The following KCNIP1 variants were observed in gnomAD, a reference collection of about 807,000 sequenced individuals.
KCNIP1 encodes the protein potassium voltage-gated channel interacting protein 1, also known as A-type potassium channel modulatory protein KCNIP1.
In KCNIP1, 18 loss-of-function variants were observed where a neutral mutation model predicts 33.0. The observed-to-expected ratio is 0.55, with a 90% CI of 0.38 to 0.81. The LOEUF is 0.81. Among genes scored for constraint, KCNIP1 ranks in the 30% least tolerant of loss-of-function variants. KCNIP1 has a pLI of 0.00. For missense variants in KCNIP1, 238 were observed against 271.6 expected, an observed-to-expected ratio of 0.88 and a Z score of 0.87; for synonymous variants, 93 against 98.3, an observed-to-expected ratio of 0.95 and a Z score of 0.32.
intron 1 of KCNIP1, among the ~76,000 whole-genome samples, chr5:170,628,128 C>T (rs1219636037): frequency 1.3e-5 from 2 of 152,154 alleles, no homozygotes; most frequent in African/African-American, 4.8e-5. Flanking sequence ...AAGAATGCAG[C>T]CAAAGAGGTC....
rs569717388 is a variant in KCNIP1 at position 170,600,544 on chromosome 5, T to C, written c.61+95911T>C. ...ACCCCATCCTCTGTGTGCCCACGCC[T>C]ACCTCCTCTCTACCTCACCCACCCT... On this transcript the variant is annotated intron_variant, in intron 1 of 7. Transcript: ENST00000328939. Among the ~76,000 whole-genome samples the C allele has an allele frequency of 9.8e-4, 149 of 152,244 alleles. 1 individual carries two copies. The highest frequency in any genetic ancestry group is 3.3e-3 in the African/African-American group (136 of 41,558).
chr5:170,500,384 G>T (rs1757387525), upstream of KCNIP1, among the ~76,000 whole-genome samples: 1 of 152,300 alleles, frequency 6.6e-6, no homozygotes, highest in African/African-American at 2.4e-5. Context: ...GCATGAGCTA[G>T]TTCACCTTCC....
At chr5:170,379,997 A>G (rs1764177172) in intron 1 of KCNIP1, among the ~76,000 whole-genome samples, 1 of 152,024 alleles carries the variant, frequency 6.6e-6, no homozygotes. Context: ...AAAATTGAAA[A>G]CCTTTGCAGT....
intron 1 of KCNIP1, among the ~76,000 whole-genome samples, chr5:170,384,151 G>A (rs1277399266): frequency 1.3e-5 from 2 of 152,228 alleles, no homozygotes; most frequent in Non-Finnish European, 2.9e-5. Flanking sequence ...ACACCCCAGA[G>A]CAAGTGAATC....
At chr5:170,459,473 T>C (rs576146722) in intron 1 of KCNIP1, among the ~76,000 whole-genome samples, 1 of 152,150 alleles carries the variant, frequency 6.6e-6, no homozygotes, top group African/African-American at 2.4e-5. Flanking sequence ...TTTAAGAAAA[T>C]TGAAATTATA....
intron 1 of KCNIP1, among the ~76,000 whole-genome samples, chr5:170,508,171 T>C (rs769840330): frequency 1.3e-5 from 2 of 152,218 alleles, no homozygotes; most frequent in Non-Finnish European, 2.9e-5. Context: ...CAGGGGTGGC[T>C]GGGTTAGAAA....
At position 170,612,288 on chromosome 5, in the gene KCNIP1, C is replaced by T. The variant is rs1759192831; in HGVS notation, c.62-106470C>T. ...CCAAATTTCCTCCCTAGCCACATGCCTTGGTTTCCAGGGCCAGCCAGCTGT... is the reference window on the plus strand; with the variant it reads ...CCAAATTTCCTCCCTAGCCACATGCTTTGGTTTCCAGGGCCAGCCAGCTGT... On this transcript the variant is annotated intron_variant, in intron 1 of 7. Coordinates refer to ENST00000328939, the MANE Select transcript of KCNIP1 (RefSeq NM_014592.4). 2.0e-5 allele frequency among the ~76,000 whole-genome samples: 3 copies of T among 152,222 alleles called. No individual in the cohort carries two copies. In the South Asian group the frequency reaches 6.2e-4, roughly 32 times the overall value.
chr5:170,461,548 A>C (rs994582542), intron 1 of KCNIP1, among the ~76,000 whole-genome samples: 1 of 152,158 alleles, frequency 6.6e-6, no homozygotes. Flanking sequence ...CAGGAGATTG[A>C]GACCATCCTG....
chr5:170,721,845 A>G lies in KCNIP1; in HGVS notation c.269A>G (p.Tyr90Cys). Residue 90 changes from tyrosine to cysteine, a missense_variant, in exon 4 of 8, where the codon TAT (tyrosine) becomes TGT (cysteine). Tyr to Cys is a radical substitution (Grantham distance 194). Transcript: ENST00000328939. ...TTCTGCCTTGTAGATGCCAGCACGT[A>G]TGCCCATTACCTCTTCAATGCCTTC... The part of the protein sequence containing the change: ...QFFPHGDAST[Y>C]AHYLFNAFDT... The G allele has an allele frequency of 6.2e-7, 1 of 1,614,116 alleles. No individual in the cohort carries two copies. The highest frequency in any genetic ancestry group is 8.5e-7 in the Non-Finnish European group (1 of 1,180,022).
At chr5:170,383,699 T>G in intron 1 of KCNIP1, 1 of 1,614,078 alleles carries the variant, frequency 6.2e-7, no homozygotes, top group Non-Finnish European at 8.5e-7. Context: ...TGGTCCCGAG[T>G]GTCCTCCGTG....
intron 1 of KCNIP1, among the ~76,000 whole-genome samples, chr5:170,492,159 G>A (rs752892742): frequency 6.6e-6 from 1 of 152,190 alleles, no homozygotes; most frequent in Non-Finnish European, 1.5e-5. Context: ...CCAGTGGCCA[G>A]TCTCAGACCC....
chr5:170,433,492 C>T (rs116810375), intron 1 of KCNIP1, among the ~76,000 whole-genome samples: 4,855 of 152,140 alleles, frequency 0.032, 85 homozygotes, highest in Middle Eastern at 0.048. Flanking sequence ...TGGCTGGTAC[C>T]AATGTTTTTA....
At chr5:170,639,835 A>G (rs1760467829) in intron 1 of KCNIP1, among the ~76,000 whole-genome samples, 1 of 151,858 alleles carries the variant, frequency 6.6e-6, no homozygotes, top group South Asian at 2.1e-4. Flanking sequence ...TGTATGATCA[A>G]CTCCCTCCCC....
chr5:170,603,332 G>A (rs1758773223), intron 1 of KCNIP1, among the ~76,000 whole-genome samples: 1 of 152,300 alleles, frequency 6.6e-6, no homozygotes, highest in East Asian at 1.9e-4. Context: ...GGGGAGGAGG[G>A]GCTGAAGGAA....
At chr5:170,498,228 T>C (rs1671552616) in intron 1 of KCNIP1, among the ~76,000 whole-genome samples, 1 of 152,256 alleles carries the variant, frequency 6.6e-6, no homozygotes, top group South Asian at 2.1e-4. Context: ...GGAGACCCTG[T>C]GTCAGGCACT....
rs528253527 is a variant in KCNIP1, at chr5:170,430,800, C to T, written c.88+76836C>T. On this transcript the variant is annotated intron_variant, in intron 1 of 7. Transcript: ENST00000377360. ...GGTGACCCACGAATGGTAGCTGCAG[C>T]GTTGATTGTTGCCCCTACTATTACT... Among the ~76,000 whole-genome samples, 53 of 152,322 alleles carry T rather than the reference C, an allele frequency of 3.5e-4. 1 individual carries two copies. In the South Asian group the frequency reaches 3.7e-3, roughly 11 times the overall value.
chr5:170,684,273 G>C (rs1219967347), intron 1 of KCNIP1, among the ~76,000 whole-genome samples: 1 of 152,056 alleles, frequency 6.6e-6, no homozygotes, highest in Non-Finnish European at 1.5e-5. Flanking sequence ...CTACAAACTG[G>C]GTGGCTTAAA....
intron 1 of KCNIP1, among the ~76,000 whole-genome samples, chr5:170,623,118 G>A (rs949165653): frequency 5.3e-5 from 8 of 152,230 alleles, no homozygotes; most frequent in South Asian, 2.1e-4. Context: ...GAGCTCAGGC[G>A]GTAATGCTTG....
chr5:170,426,266 C>T (rs1755611843), intron 1 of KCNIP1, among the ~76,000 whole-genome samples: 1 of 151,960 alleles, frequency 6.6e-6, no homozygotes, highest in Non-Finnish European at 1.5e-5. Context: ...CACACACACA[C>T]ACACACAAAC....
Sources: allele counts gnomAD v4.1 joint callset (sites outside exome capture counted in the v4.1 genomes callset), GRCh38; gene constraint gnomAD v4.1.1; transcripts MANE v1.5; gene names NCBI Gene and HGNC (gene_info 2026-07-23, HGNC 2026-07-21).